GRB10: variants seen among roughly 807,000 people sequenced by gnomAD.
GRB10 encodes growth factor receptor bound protein 10, also known as growth factor receptor-bound protein 10.
A neutral mutation model predicts 80.9 loss-of-function variants in GRB10; 20 were observed. That is an observed-to-expected ratio of 0.25 (90% confidence interval 0.17 to 0.36). The LOEUF is 0.36. GRB10 is among the 10% of genes least tolerant of loss of function. The pLI is 1.00. For missense variants in GRB10, 548 were observed against 747.7 expected (o/e 0.73, Z 3.12); for synonymous variants, 291 against 291.5 (o/e 1.00, Z 0.02).
chr7:50,763,170 C>A (rs867293725), intron 2 of GRB10, among the ~76,000 whole-genome samples: 1 of 150,414 alleles, frequency 6.6e-6, no homozygotes, highest in Middle Eastern at 3.5e-3. Flanking sequence ...ACACAGCCAA[C>A]AATCTGAATT....
intron 4 of GRB10, among the ~76,000 whole-genome samples, chr7:50,713,263 C>T (rs1012340958): frequency 6.6e-6 from 1 of 152,010 alleles, no homozygotes; most frequent in African/African-American, 2.4e-5. Flanking sequence ...CCACTACTGC[C>T]CCTGCCTCCT....
chr7:50,733,001 A>G (rs2070140631), intron 3 of GRB10, among the ~76,000 whole-genome samples: 1 of 152,228 alleles, frequency 6.6e-6, no homozygotes, highest in African/African-American at 2.4e-5. Context: ...TTATGGGATG[A>G]ACTGTATCCT....
intron 7 of GRB10, among the ~76,000 whole-genome samples, chr7:50,638,056 G>T (rs1263987244): frequency 2.0e-5 from 3 of 152,136 alleles, no homozygotes; most frequent in Non-Finnish European, 4.4e-5. Context: ...GCCATAAGCA[G>T]AAGAATGAAC....
intron 5 of GRB10, among the ~76,000 whole-genome samples, chr7:50,683,128 G>A (rs1034920559): frequency 6.6e-6 from 1 of 152,138 alleles, no homozygotes; most frequent in Non-Finnish European, 1.5e-5. Flanking sequence ...ACACACAATG[G>A]AATATTATTC....
At chr7:50,781,774 C>G (rs575686412) in intron 1 of GRB10, among the ~76,000 whole-genome samples, 9 of 152,246 alleles carry the variant, frequency 5.9e-5, no homozygotes, top group Non-Finnish European at 1.0e-4. Flanking sequence ...GGACGTCCTA[C>G]GTGTTCATAT....
chr7:50,681,734 A>C (rs1204095627), intron 5 of GRB10, among the ~76,000 whole-genome samples: 1 of 152,252 alleles, frequency 6.6e-6, no homozygotes, highest in Non-Finnish European at 1.5e-5. Flanking sequence ...ATGCAAAAGT[A>C]AACATTTGAC....
chr7:50,619,161 A>C lies in GRB10; in HGVS notation c.777+9T>G. The C allele has an allele frequency of 6.7e-7, 1 of 1,487,906 alleles. No individual in the cohort carries two copies. Among genetic ancestry groups the C allele is most frequent in the Non-Finnish European group, 9.4e-7 (1 of 1,064,626 alleles). 92.2% of individuals were successfully genotyped at this position (1,487,906 alleles called of 1,614,324 possible). ...TCCCAAACCCCAAACCTGAAGAGGT[A>C]AGACTCACCATGGGATTTTTAAAGA... On this transcript the variant is annotated intron_variant, in intron 9 of 18. Transcript: ENST00000401949.
intron 13 of GRB10, 135 bp downstream of exon 13, chr7:50,612,606 A>G (rs1162854378): frequency 5.6e-6 from 4 of 713,940 alleles, no homozygotes; most frequent in Non-Finnish European, 1.0e-5. Context: ...GCTTAACTAC[A>G]TTTGATAAAT....
intron 3 of GRB10, among the ~76,000 whole-genome samples, chr7:50,737,235 G>A (rs2070946347): frequency 6.6e-6 from 1 of 152,252 alleles, no homozygotes; most frequent in African/African-American, 2.4e-5. Context: ...GTTGGAGATG[G>A]AGCCTGATGG....
At chr7:50,713,657 C>T (rs1417208973) in intron 4 of GRB10, among the ~76,000 whole-genome samples, 7 of 117,648 alleles carry the variant, frequency 5.9e-5, no homozygotes, top group African/African-American at 2.3e-4. Context: ...ATCACCTCCA[C>T]CTCCTCCACC....
At chr7:50,644,688 G>A (rs564002253) in intron 7 of GRB10, among the ~76,000 whole-genome samples, 8 of 152,248 alleles carry the variant, frequency 5.3e-5, no homozygotes, top group African/African-American at 9.6e-5. Context: ...CTGTGAAAGC[G>A]GTACCCTGGA....
chr7:50,727,010 G>A (rs908829021), intron 4 of GRB10: 2 of 152,180 alleles, frequency 1.3e-5, no homozygotes, highest in South Asian at 2.1e-4. Flanking sequence ...ATTGGCAGGA[G>A]AGAAAATCCA....
At chr7:50,667,186 C>T (rs538402750) in intron 7 of GRB10, among the ~76,000 whole-genome samples, 1 of 152,210 alleles carries the variant, frequency 6.6e-6, no homozygotes, top group African/African-American at 2.4e-5. Context: ...TTTTTCCTCC[C>T]GTTGCCTTCT....
chr7:50,719,350 G>C lies in GRB10; in HGVS notation c.51+12922C>G, dbSNP rs562869563. Among the ~76,000 whole-genome samples the C allele has an allele frequency of 3.9e-5, 6 of 152,322 alleles. No individual in the cohort carries two copies. The East Asian group carries it at 1.2e-3, about 29-fold the overall frequency. On this transcript the variant is annotated intron_variant, in intron 4 of 18. Coordinates refer to ENST00000401949, the MANE Select transcript of GRB10 (RefSeq NM_001350814.2). Reference sequence around the variant, plus strand: ...ACTGCAGGCAGAGACAGAAGGCCCTGCAAAGGGAATTCATCTTAAGAGTGA... The same window carrying C: ...ACTGCAGGCAGAGACAGAAGGCCCTCCAAAGGGAATTCATCTTAAGAGTGA...
At chr7:50,772,681 T>C (rs1562678491) in intron 2 of GRB10, among the ~76,000 whole-genome samples, 1 of 152,324 alleles carries the variant, frequency 6.6e-6, no homozygotes, top group African/African-American at 2.4e-5. Flanking sequence ...AAAATCTTTA[T>C]ATGGACATTG....
intron 2 of GRB10, among the ~76,000 whole-genome samples, chr7:50,770,786 C>CT (rs2076913781): frequency 6.6e-6 from 1 of 151,892 alleles, no homozygotes; most frequent in Non-Finnish European, 1.5e-5. Flanking sequence ...GAAAATACAG[C>CT]TTTTTTCCAT....
chr7:50,632,050 G>C (rs147518612), intron 7 of GRB10, among the ~76,000 whole-genome samples: 188 of 152,334 alleles, frequency 1.2e-3, no homozygotes, highest in African/African-American at 4.4e-3. Context: ...CCTGAAGCCT[G>C]GAGGTTTGGG....
At chr7:50,614,473 A>G (rs1056641252) in intron 12 of GRB10, among the ~76,000 whole-genome samples, 2 of 152,142 alleles carry the variant, frequency 1.3e-5, no homozygotes, top group South Asian at 2.1e-4. Context: ...TCCAGCTACT[A>G]GTACTGGGCT....
At chr7:50,715,194 C>G (rs1341914696) in intron 4 of GRB10, among the ~76,000 whole-genome samples, 1 of 151,554 alleles carries the variant, frequency 6.6e-6, no homozygotes, top group Non-Finnish European at 1.5e-5. Context: ...CCTGGGGCTC[C>G]CAGGTGTGGC....
Sources: gnomAD v4.1 joint callset for allele counts (sites outside exome capture counted in the v4.1 genomes callset) on GRCh38, gnomAD v4.1.1 for gene constraint, MANE v1.5 for transcripts, NCBI Gene and HGNC (gene_info 2026-07-23, HGNC 2026-07-21) for gene names.